TRPC4AP: variants seen among roughly 807,000 people sequenced by gnomAD.
TRPC4AP encodes transient receptor potential cation channel subfamily C member 4 associated protein.
In TRPC4AP, 45 loss-of-function variants were observed where a neutral mutation model predicts 99.0. That is an observed-to-expected ratio of 0.45 (90% CI 0.36 to 0.58). The LOEUF (loss-of-function observed/expected upper bound fraction) is 0.58, where lower values mean the gene tolerates loss of function less well. TRPC4AP is among the 20% of genes least tolerant of loss of function. The pLI, the probability that TRPC4AP is intolerant of heterozygous loss-of-function variation, is 0.00. For synonymous variants in TRPC4AP, 408 were observed against 385.8 expected (o/e 1.06, Z -0.67); for missense variants, 879 against 985.3 (o/e 0.89, Z 1.44).
intron 12 of TRPC4AP, 47 bp downstream of exon 12, chr20:35,010,140 T>C (rs776692708): frequency 4.4e-5 from 69 of 1,554,500 alleles, no homozygotes; most frequent in Non-Finnish European, 5.6e-5. Context: ...CCGGGGAACG[T>C]GGGCAGCCGG....
At chr20:35,010,368 C>G (rs1167739172) in intron 11 of TRPC4AP, 80 bp from the exon 12 acceptor site, 2 of 1,156,186 alleles carry the variant, frequency 1.7e-6, no homozygotes, top group Non-Finnish European at 2.6e-6. Context: ...TAGGGAGTCT[C>G]CTGCCCACTT....
At chr20:35,055,342 G>C (rs1197983708) in intron 4 of TRPC4AP, among the ~76,000 whole-genome samples, 1 of 152,122 alleles carries the variant, frequency 6.6e-6, no homozygotes, top group Non-Finnish European at 1.5e-5. Context: ...TCTTGCTTAG[G>C]ATATATCTAG....
At position 35,044,441 on chromosome 20, in the gene TRPC4AP, C is replaced by G. The variant is rs970373965; in HGVS notation, c.865+64G>C. On this transcript the variant is annotated intron_variant, in intron 7 of 18. Coordinates refer to ENST00000252015, the MANE Select transcript of TRPC4AP (RefSeq NM_015638.3). The stretch of plus-strand genomic sequence containing the variant: ...GAAAAGAAAAGAAAAAGAAAAAAAA[C>G]TAGATGATTTAGTAAGGGCCTCAGA... 6 of 1,144,942 alleles carry G rather than the reference C, an allele frequency of 5.2e-6. No homozygotes were observed. The South Asian group carries it at 8.3e-5, about 16-fold the overall frequency. The allele number at this position is 1,144,942 out of a possible 1,614,324, so 70.9% of individuals were successfully genotyped here. A position where few individuals can be genotyped will look rare whatever the true frequency, so the allele number is the denominator to read the frequency against.
chr20:35,089,640 G>A (rs2084987315), intron 1 of TRPC4AP, among the ~76,000 whole-genome samples: 1 of 152,106 alleles, frequency 6.6e-6, no homozygotes, highest in Admixed American at 6.6e-5. Context: ...CATGACGTCA[G>A]GAGTTGGAGA....
intron 2 of TRPC4AP, 148 bp downstream of exon 2, chr20:35,077,898 A>T: frequency 1.2e-6 from 1 of 835,328 alleles, no homozygotes; most frequent in Non-Finnish European, 1.8e-6. Flanking sequence ...TCTTCTTTGT[A>T]CTTTTTCTGA....
chr20:35,057,849 G>A (rs1314168500), intron 3 of TRPC4AP, among the ~76,000 whole-genome samples: 5 of 152,140 alleles, frequency 3.3e-5, no homozygotes, highest in East Asian at 1.9e-4. Flanking sequence ...GATCTAATGC[G>A]GCTTTAATTT....
chr20:35,084,672 GTA>G (rs553089501), intron 1 of TRPC4AP, among the ~76,000 whole-genome samples: 9 of 127,004 alleles, frequency 7.1e-5, no homozygotes, highest in East Asian at 2.3e-4. Context: ...ATGTGTATAT[GTA>G]TATATGTTTA....
chr20:35,088,327 A>G (rs2084944619), intron 1 of TRPC4AP, among the ~76,000 whole-genome samples: 1 of 152,252 alleles, frequency 6.6e-6, no homozygotes, highest in Non-Finnish European at 1.5e-5. Context: ...TACCAGAGCT[A>G]GGTTTCAAAC....
chr20:35,065,877 T>C (rs1458150532), intron 3 of TRPC4AP, among the ~76,000 whole-genome samples: 3 of 152,182 alleles, frequency 2.0e-5, no homozygotes, highest in Non-Finnish European at 4.4e-5. Context: ...GATTTCTTGA[T>C]GAAACAATTC....
intron 1 of TRPC4AP, among the ~76,000 whole-genome samples, chr20:35,084,514 A>ATATGTG (rs2146033911): frequency 7.3e-6 from 1 of 136,338 alleles, no homozygotes; most frequent in African/African-American, 3.4e-5. Context: ...GTATATACGT[A>ATATGTG]TATATGTGTA....
rs1470186862 is a variant in TRPC4AP at position 35,033,884 on chromosome 20, G to A, written c.1051+1239C>T. 2.5e-4 allele frequency among the ~76,000 whole-genome samples: 3 copies of A among 12,222 alleles called. 1 individual carries two copies. The highest frequency in any genetic ancestry group is 5.4e-4 in the Non-Finnish European group (3 of 5,522). 8.0% of individuals were successfully genotyped at this position (12,222 alleles called of 152,430 possible). The stretch of plus-strand genomic sequence containing the variant: ...GTAAAGGCCGGGCGCGGTGGCTCAC[G>A]CCTGTAATCCCAGCACTTTGGGAGG... On this transcript the variant is annotated intron_variant, in intron 8 of 18. Transcript: ENST00000252015.
At chr20:35,045,987 T>C (rs2083554006) in intron 6 of TRPC4AP, among the ~76,000 whole-genome samples, 1 of 152,186 alleles carries the variant, frequency 6.6e-6, no homozygotes, top group South Asian at 2.1e-4. Context: ...TTTTAATACA[T>C]ATTTAGGTAA....
Position 35,044,530 on chromosome 20 carries a change from C to A in TRPC4AP, c.840G>T (p.Gly280=). The change falls in exon 7 of 19, where the codon GGG becomes GGT. Residue 280 remains glycine, a synonymous_variant. Coordinates refer to ENST00000252015, the MANE Select transcript of TRPC4AP (RefSeq NM_015638.3). ...NAQQKKSLSL[G]PSAAEINQAA... ...CTTGATTGATTTCAGCTGCAGAAGG[C>A]CCCAAACTCAAGCTCTTCTTCTGTT... is the stretch of plus-strand genomic sequence containing the variant. The A allele has an allele frequency of 6.2e-7, 1 of 1,614,022 alleles. No homozygotes were observed.
At chr20:35,062,706 T>A (rs1303968097) in intron 3 of TRPC4AP, among the ~76,000 whole-genome samples, 2 of 152,064 alleles carry the variant, frequency 1.3e-5, no homozygotes, top group African/African-American at 2.4e-5. Flanking sequence ...AAATGGGGAG[T>A]GGCTACTGAA....
Position 35,029,628 on chromosome 20 carries a change from C to CTTTTTT in TRPC4AP, c.1051+5489_1051+5494dup, listed in dbSNP as rs35372826. 4.0e-3 allele frequency among the ~76,000 whole-genome samples: 159 copies of CTTTTTT among 39,428 alleles called. 6 individuals are homozygous for CTTTTTT. Among genetic ancestry groups the CTTTTTT allele is most frequent in the East Asian group, 5.7e-3 (7 of 1,222 alleles). 25.9% of individuals were successfully genotyped at this position (39,428 alleles called of 152,430 possible). A position where few individuals can be genotyped will look rare whatever the true frequency, so the allele number is the denominator to read the frequency against. ...TTTACTATATTTCCCAAGTTACTTT[C>CTTTTTT]TTTTTTTTTTTTTTTTTTTTTTTTT... On this transcript the variant is annotated intron_variant, in intron 8 of 18. Coordinates refer to ENST00000252015, the MANE Select transcript of TRPC4AP (RefSeq NM_015638.3).
intron 2 of TRPC4AP, among the ~76,000 whole-genome samples, chr20:35,077,278 G>T (rs2084506561): frequency 6.6e-6 from 1 of 152,120 alleles, no homozygotes; most frequent in Non-Finnish European, 1.5e-5. Context: ...TGTCTGACAA[G>T]CCCCAGTGAG....
chr20:35,082,757 C>T (rs983542641), intron 1 of TRPC4AP, among the ~76,000 whole-genome samples: 5 of 151,974 alleles, frequency 3.3e-5, no homozygotes, highest in Non-Finnish European at 7.4e-5. Flanking sequence ...ACATTGATAA[C>T]ATAAAGGAGA....
chr20:35,016,966 G>C (rs1485957344), intron 9 of TRPC4AP, among the ~76,000 whole-genome samples: 1 of 152,192 alleles, frequency 6.6e-6, no homozygotes, highest in East Asian at 1.9e-4. Context: ...ACACTGGTAT[G>C]ACCTGCACAG....
intron 1 of TRPC4AP, among the ~76,000 whole-genome samples, chr20:35,081,960 G>A (rs1352076792): frequency 1.3e-5 from 2 of 152,136 alleles, no homozygotes; most frequent in Non-Finnish European, 2.9e-5. Flanking sequence ...ACTCCAGCCT[G>A]GGTGACAGAG....
Sources: allele counts gnomAD v4.1 joint callset (sites outside exome capture counted in the v4.1 genomes callset), GRCh38; gene constraint gnomAD v4.1.1; transcripts MANE v1.5; gene names NCBI Gene and HGNC (gene_info 2026-07-23, HGNC 2026-07-21).